RIMKLB: variants seen among roughly 807,000 people sequenced by gnomAD.
The protein encoded by RIMKLB is ribosomal modification protein rimK like family member B.
Under a neutral mutation model 32.0 loss-of-function variants are expected in RIMKLB, and 7 were observed. The observed-to-expected ratio is 0.22, with a 90% CI of 0.12 to 0.41. RIMKLB has a LOEUF of 0.41. RIMKLB is among the 10% of genes least tolerant of loss of function. The pLI is 1.00. For synonymous variants in RIMKLB, 172 were observed against 185.1 expected, an observed-to-expected ratio of 0.93 and a Z score of 0.57; for missense variants, 289 against 498.7, an observed-to-expected ratio of 0.58 and a Z score of 4.00.
intron 7 of RIMKLB, among the ~76,000 whole-genome samples, chr12:8,782,609 A>G (rs181429176): frequency 6.6e-6 from 1 of 152,284 alleles, no homozygotes; most frequent in East Asian, 1.9e-4. Flanking sequence ...TTCCTGAAGG[A>G]GAGTCAAATA....
At chr12:8,688,946 T>C (rs1284051990) in intron 1 of RIMKLB, among the ~76,000 whole-genome samples, 1 of 152,148 alleles carries the variant, frequency 6.6e-6, no homozygotes, top group African/African-American at 2.4e-5. Flanking sequence ...GAGATTCTCC[T>C]GTCTCAGCCT....
intron 5 of RIMKLB, among the ~76,000 whole-genome samples, chr12:8,763,576 C>G (rs1949709754): frequency 1.3e-5 from 2 of 152,218 alleles, no homozygotes; most frequent in Admixed American, 1.3e-4. Flanking sequence ...CCTCGCTGAG[C>G]GCCTTGGTGC....
At position 8,775,034 on chromosome 12, in the gene RIMKLB, G is replaced by C. The variant is rs1950651133; in HGVS notation, c.*1250G>C. 1.0e-6 allele frequency: 1 copy of C among 985,690 alleles called. No homozygotes were observed. The highest frequency in any genetic ancestry group is 1.2e-6 in the Non-Finnish European group (1 of 829,892). 61.1% of individuals were successfully genotyped at this position (985,690 alleles called of 1,614,324 possible). The stretch of plus-strand genomic sequence containing the variant: ...TTCATAAGTAGACTCCACTGGGGTA[G>C]AGGTATTCACCTTAAAACATAGGGT... On this transcript the variant is annotated 3_prime_UTR_variant, in exon 6 of 6. Coordinates refer to ENST00000535829, the MANE Select transcript of RIMKLB (RefSeq NM_001297776.2).
chr12:8,709,141 G>C (rs930060471), intron 1 of RIMKLB, among the ~76,000 whole-genome samples: 4 of 152,172 alleles, frequency 2.6e-5, no homozygotes, highest in African/African-American at 9.7e-5. Context: ...GGGTAACCAA[G>C]TTTACTCCTT....
rs935465792 is a variant in RIMKLB at position 8,691,577 on chromosome 12, G to A, written n.219+9759G>A. On this transcript the variant is annotated intron_variant and non_coding_transcript_variant, in intron 1 of 1. Coordinates refer to the RIMKLB transcript ENST00000538758. Reference sequence around the variant, plus strand: ...GTAGAGATCGAGCCACTGCACTCCCGCCTGGGTGACAGAGTGAGACTGTCT... The same window carrying A: ...GTAGAGATCGAGCCACTGCACTCCCACCTGGGTGACAGAGTGAGACTGTCT... Among the ~76,000 whole-genome samples, 62 of 152,236 alleles carry A rather than the reference G, an allele frequency of 4.1e-4. No homozygotes were observed. In the Middle Eastern group the frequency reaches 0.01, roughly 25 times the overall value.
intron 2 of RIMKLB, among the ~76,000 whole-genome samples, chr12:8,742,249 C>A (rs1245285413): frequency 2.6e-5 from 4 of 151,922 alleles, no homozygotes; most frequent in Non-Finnish European, 5.9e-5. Flanking sequence ...AATCATTAAT[C>A]ATCAATAGTT....
At chr12:8,762,122 C>G (rs1949575782) in intron 5 of RIMKLB, among the ~76,000 whole-genome samples, 1 of 152,034 alleles carries the variant, frequency 6.6e-6, no homozygotes, top group Non-Finnish European at 1.5e-5. Context: ...AATGGGGCGT[C>G]AATATTTCTG....
chr12:8,755,158 A>C (rs933800560), intron 5 of RIMKLB, among the ~76,000 whole-genome samples: 1 of 151,904 alleles, frequency 6.6e-6, no homozygotes, highest in Non-Finnish European at 1.5e-5. Flanking sequence ...CACCATGTTG[A>C]CCAGGCTGGT....
upstream of RIMKLB, among the ~76,000 whole-genome samples, chr12:8,694,350 T>C (rs1942822270): frequency 6.6e-6 from 1 of 151,848 alleles, no homozygotes; most frequent in Non-Finnish European, 1.5e-5. Flanking sequence ...ACTGCTGGGA[T>C]TACAGGTGTG....
intron 2 of RIMKLB, chr12:8,742,465 AG>A: frequency 2.5e-6 from 1 of 403,814 alleles, no homozygotes. Context: ...GAGCACATGG[AG>A]GAGGAGGATG....
chr12:8,744,969 G>A (rs59566766), intron 2 of RIMKLB, among the ~76,000 whole-genome samples: 12,696 of 151,846 alleles, frequency 0.084, 1,963 homozygotes, highest in African/African-American at 0.28. Flanking sequence ...TACATTAGGT[G>A]TTTCTCCTAA....
downstream of RIMKLB, among the ~76,000 whole-genome samples, chr12:8,781,883 A>G (rs1951080325): frequency 6.6e-6 from 1 of 151,720 alleles, no homozygotes; most frequent in African/African-American, 2.4e-5. Context: ...TAAATTTATA[A>G]GATGCAGACC....
chr12:8,754,533 T>C (rs1948862585), intron 5 of RIMKLB, among the ~76,000 whole-genome samples: 1 of 152,210 alleles, frequency 6.6e-6, no homozygotes, highest in Admixed American at 6.5e-5. Flanking sequence ...CATCAGAGCT[T>C]AGGCTTTGGG....
intron 5 of RIMKLB, among the ~76,000 whole-genome samples, chr12:8,770,647 C>T (rs765479999): frequency 1.3e-5 from 2 of 152,150 alleles, no homozygotes; most frequent in Non-Finnish European, 2.9e-5. Context: ...ACAAAAAATA[C>T]ACTCAAAGTG....
At chr12:8,783,024 A>AAAGCAATAACTCCAACCTGTTTG (rs1270028425) in exon 8 of RIMKLB, 2 of 152,236 alleles carry the variant, frequency 1.3e-5, no homozygotes, top group Non-Finnish European at 2.9e-5. Context: ...ACAGAACAAG[A>AAAGCAATAACTCCAACCTGTTTG]AAGCAATAAC....
intron 2 of RIMKLB, among the ~76,000 whole-genome samples, chr12:8,736,631 T>C (rs1418581583): frequency 6.6e-6 from 1 of 150,950 alleles, no homozygotes; most frequent in Non-Finnish European, 1.5e-5. Context: ...TAGGTGTGTG[T>C]CATGACACCC....
At chr12:8,701,168 T>C (rs1469439277) in intron 1 of RIMKLB, among the ~76,000 whole-genome samples, 3 of 152,200 alleles carry the variant, frequency 2.0e-5, no homozygotes, top group East Asian at 3.8e-4. Context: ...TGTGCTGATA[T>C]GTGCAGTTGT....
At chr12:8,737,618 T>C (rs1026250093) in intron 2 of RIMKLB, among the ~76,000 whole-genome samples, 2 of 152,212 alleles carry the variant, frequency 1.3e-5, no homozygotes, top group Non-Finnish European at 2.9e-5. Context: ...CTCAATCAAT[T>C]ATGATGTTGT....
In RIMKLB at chr12:8,752,185, G is replaced by A. The variant is rs1038833267; in HGVS notation, c.493+142G>A. 17 of 577,224 alleles carry A rather than the reference G, an allele frequency of 2.9e-5. No homozygotes were observed. In the African/African-American group the frequency reaches 3.1e-4, roughly 10 times the overall value. 35.8% of individuals were successfully genotyped at this position (577,224 alleles called of 1,614,324 possible). ...ACAGAAGGCTACTATGAGTTGTTCA[G>A]TTTGGCTAAAAGCTATTTGTTTAGT... On this transcript the variant is annotated intron_variant, in intron 4 of 5. Coordinates refer to ENST00000535829, the MANE Select transcript of RIMKLB (RefSeq NM_001297776.2).
Sources: gnomAD v4.1 joint callset for allele counts (sites outside exome capture counted in the v4.1 genomes callset) on GRCh38, gnomAD v4.1.1 for gene constraint, MANE v1.5 for transcripts, NCBI Gene and HGNC (gene_info 2026-07-23, HGNC 2026-07-21) for gene names.